Variants in KITLG observed in about 807,000 individuals in gnomAD.
The protein encoded by KITLG is KIT ligand, also known as c-Kit ligand.
In KITLG, 13 loss-of-function variants were observed where a neutral mutation model predicts 34.1. The ratio of observed to expected loss-of-function variants is 0.38; its 90% CI spans 0.25 to 0.61. The LOEUF is 0.61. Among genes scored for constraint, KITLG ranks in the 20% least tolerant of loss-of-function variants. KITLG has a pLI of 0.60. For missense variants in KITLG, 292 were observed against 318.9 expected, an observed-to-expected ratio of 0.92 and a Z score of 0.64; for synonymous variants, 110 against 104.0, an observed-to-expected ratio of 1.06 and a Z score of -0.35.
At chr12:88,555,829 G>A (rs980627944) in intron 1 of KITLG, among the ~76,000 whole-genome samples, 3 of 152,146 alleles carry the variant, frequency 2.0e-5, no homozygotes, top group Non-Finnish European at 4.4e-5. Context: ...AGACATGTAT[G>A]GAGTATCTAA....
rs1868491650 is a variant in KITLG at position 88,493,614 on chromosome 12, T to G, written c.*3605A>C. ...CCACTTTCCAATTTTAAAGTGTAATTAATGAATTACCCCTTTATAAATTGA... is the reference window on the plus strand; with the variant it reads ...CCACTTTCCAATTTTAAAGTGTAATGAATGAATTACCCCTTTATAAATTGA... On this transcript the variant is annotated 3_prime_UTR_variant, in exon 10 of 10. Transcript: ENST00000644744. The G allele has an allele frequency of 6.6e-6, 1 of 151,974 alleles. No homozygotes were observed. Among genetic ancestry groups the G allele is most frequent in the African/African-American group, 2.4e-5 (1 of 41,440 alleles). The allele number at this position is 151,974 out of a possible 1,614,324, so 9.4% of individuals were successfully genotyped here.
At chr12:88,543,236 T>C (rs1870584936) in intron 2 of KITLG, among the ~76,000 whole-genome samples, 2 of 152,146 alleles carry the variant, frequency 1.3e-5, no homozygotes, top group Non-Finnish European at 2.9e-5. Context: ...ACATTAGGTA[T>C]TTCTCCAAAC....
At chr12:88,567,133 T>C (rs1200541696) in intron 1 of KITLG, among the ~76,000 whole-genome samples, 2 of 152,214 alleles carry the variant, frequency 1.3e-5, no homozygotes, top group Non-Finnish European at 2.9e-5. Context: ...AAGCAGGGAC[T>C]TTAATATATA....
intron 1 of KITLG, among the ~76,000 whole-genome samples, chr12:88,555,288 G>A (rs1871058762): frequency 6.6e-6 from 1 of 152,150 alleles, no homozygotes; most frequent in Non-Finnish European, 1.5e-5. Flanking sequence ...CTAAGGGGCT[G>A]TGCATAGGAC....
chr12:88,515,577 A>G lies in KITLG; in HGVS notation c.561T>C (p.Pro187=). 1 of 1,611,106 alleles carries G rather than the reference A, an allele frequency of 6.2e-7. No individual in the cohort carries two copies. Among genetic ancestry groups the G allele is most frequent in the East Asian group, 2.2e-5 (1 of 44,758 alleles). The change falls in exon 6 of 10, where the codon CCT becomes CCC. Residue 187 remains proline, a synonymous_variant. Coordinates refer to ENST00000644744, the MANE Select transcript of KITLG (RefSeq NM_000899.5). ...CATTCCTAAGGGAGCTGGCTGCAAC[A>G]GGGGGTAACATAAATGGTTTTGTGA... The part of the protein sequence containing the change: ...VSVTKPFMLP[P]VAASSLRNDS...
rs41283112 is a variant in KITLG at position 88,507,114 on chromosome 12, C to A, written c.628G>T (p.Asp210Tyr). The stretch of plus-strand genomic sequence containing the variant: ...ATGGCTGCCCAGTGTAGGCTGGAGT[C>A]TCCAGGGGGATTTTTGGCCTTCCCT... ...SNRKAKNPPG[D>Y]SSLHWAAMAL... is the part of the protein sequence containing the mutation. Residue 210 changes from aspartate (D) to tyrosine (Y), a missense_variant, in exon 7 of 10, where the codon GAC (aspartate) becomes TAC (tyrosine). This residue lies in a region of KITLG where 140 missense variants were observed against 111.0 expected (regional missense o/e 1.26). Transcript: ENST00000644744. 0.015 allele frequency: 24,211 copies of A among 1,612,446 alleles called. 226 individuals carry two copies. Among genetic ancestry groups the A allele is most frequent in the Non-Finnish European group, 0.018 (21,374 of 1,178,556 alleles).
chr12:88,494,228 AT>A lies in KITLG; in HGVS notation c.*2990del, dbSNP rs1868523808. 1 of 151,920 alleles carries A rather than the reference AT, an allele frequency of 6.6e-6. No individual in the cohort carries two copies. Among genetic ancestry groups the A allele is most frequent in the South Asian group, 2.1e-4 (1 of 4,834 alleles). The allele number at this position is 151,920 out of a possible 1,614,324, so 9.4% of individuals were successfully genotyped here. A position where few individuals can be genotyped will look rare whatever the true frequency, so the allele number is the denominator to read the frequency against. ...GCCAAAATGCATTTTTGAAGAATATATTTTTTAAATATACATAATGCCTAAA... is the reference window on the plus strand; with the variant it reads ...GCCAAAATGCATTTTTGAAGAATATATTTTTAAATATACATAATGCCTAAA... On this transcript the variant is annotated 3_prime_UTR_variant, in exon 10 of 10. Coordinates refer to ENST00000644744, the MANE Select transcript of KITLG (RefSeq NM_000899.5).
At chr12:88,544,103 T>C (rs113869886) in intron 2 of KITLG, among the ~76,000 whole-genome samples, 1 of 152,124 alleles carries the variant, frequency 6.6e-6, no homozygotes, top group Non-Finnish European at 1.5e-5. Context: ...CTGACACTCA[T>C]TTCAGCTCTG....
intron 9 of KITLG, among the ~76,000 whole-genome samples, chr12:88,503,577 G>A (rs1868944139): frequency 6.6e-6 from 1 of 152,140 alleles, no homozygotes; most frequent in African/African-American, 2.4e-5. Flanking sequence ...CAAAAGTGAG[G>A]GACAGCATGA....
intron 1 of KITLG, among the ~76,000 whole-genome samples, chr12:88,573,548 T>C (rs1428908425): frequency 2.6e-5 from 4 of 152,096 alleles, no homozygotes; most frequent in African/African-American, 7.2e-5. Context: ...GTGAAGACAT[T>C]GAAAGGGAAA....
At chr12:88,513,466 T>C (rs1869353327) in intron 6 of KITLG, among the ~76,000 whole-genome samples, 8 of 151,826 alleles carry the variant, frequency 5.3e-5, no homozygotes, top group Admixed American at 5.3e-4. Flanking sequence ...TGAAGCACTC[T>C]AATTAACAAT....
chr12:88,508,284 T>C (rs1219120343), intron 6 of KITLG, among the ~76,000 whole-genome samples: 1 of 152,164 alleles, frequency 6.6e-6, no homozygotes, highest in Non-Finnish European at 1.5e-5. Context: ...TTGACAGATT[T>C]TTCTATATAC....
chr12:88,516,224 C>A, intron 5 of KITLG, 110 bp downstream of exon 5: 6 of 884,330 alleles, frequency 6.8e-6, no homozygotes, highest in Non-Finnish European at 1.1e-5. Context: ...TTTTATTAGA[C>A]GTACATGCAT....
intron 1 of KITLG, among the ~76,000 whole-genome samples, chr12:88,578,926 G>T (rs1273479869): frequency 6.6e-6 from 1 of 152,188 alleles, no homozygotes; most frequent in African/African-American, 2.4e-5. Context: ...TCGACAGCAC[G>T]CTGTGGTGAT....
chr12:88,515,104 G>A (rs571656292), intron 6 of KITLG, among the ~76,000 whole-genome samples: 1 of 151,698 alleles, frequency 6.6e-6, no homozygotes, highest in South Asian at 2.1e-4. Context: ...AATATCTTTG[G>A]AATTCTATAC....
At chr12:88,540,103 A>G (rs1251705444) in intron 2 of KITLG, among the ~76,000 whole-genome samples, 1 of 152,148 alleles carries the variant, frequency 6.6e-6, no homozygotes, top group African/African-American at 2.4e-5. Flanking sequence ...GACACACCTT[A>G]TGATGATGAT....
intron 3 of KITLG, among the ~76,000 whole-genome samples, chr12:88,521,419 C>T (rs927781000): frequency 2.6e-5 from 4 of 151,976 alleles, no homozygotes; most frequent in South Asian, 4.1e-4. Flanking sequence ...AATTCCTCCA[C>T]GATTATGATT....
intron 1 of KITLG, among the ~76,000 whole-genome samples, chr12:88,558,328 G>A (rs1006888574): frequency 1.3e-5 from 2 of 150,084 alleles, no homozygotes; most frequent in Non-Finnish European, 3.0e-5. Context: ...CTCACGACCC[G>A]CCACCCACCA....
rs574646451 is a variant in KITLG, at chr12:88,580,425, T to C, written c.-147A>G. The C allele has an allele frequency of 1.4e-5, 13 of 943,796 alleles. No individual in the cohort carries two copies. The African/African-American group carries it at 2.1e-4, about 15-fold the overall frequency. 58.5% of individuals were successfully genotyped at this position (943,796 alleles called of 1,614,324 possible). A position where few individuals can be genotyped will look rare whatever the true frequency, so the allele number is the denominator to read the frequency against. ...AGCGCAGCGCCCTCTCCACTGTCCC[T>C]GCTTCCCGCAGCGCTTCTAGTCTCG... On this transcript the variant is annotated 5_prime_UTR_variant, in exon 1 of 10. Coordinates refer to ENST00000644744, the MANE Select transcript of KITLG (RefSeq NM_000899.5).
Sources: allele counts gnomAD v4.1 joint callset (sites outside exome capture counted in the v4.1 genomes callset), GRCh38; gene constraint gnomAD v4.1.1; regional missense constraint gnomAD v4.1.1; transcripts MANE v1.5; gene names NCBI Gene and HGNC (gene_info 2026-07-23, HGNC 2026-07-21).